The following SYT1 variants were observed in gnomAD, a reference collection of about 807,000 sequenced individuals.
SYT1 encodes the protein synaptotagmin 1, also known as synaptotagmin-1.
Under a neutral mutation model 44.8 loss-of-function variants are expected in SYT1, and 8 were observed. The ratio of observed to expected loss-of-function variants is 0.18; its 90% confidence interval spans 0.10 to 0.32. SYT1 has a LOEUF of 0.32. Among genes scored for constraint, SYT1 ranks in the 10% least tolerant of loss-of-function variants. The pLI is 1.00. For synonymous variants in SYT1, 154 were observed against 188.8 expected, an observed-to-expected ratio of 0.82 and a Z score of 1.51; for missense variants, 286 against 509.3, an observed-to-expected ratio of 0.56 and a Z score of 4.22.
intron 8 of SYT1, among the ~76,000 whole-genome samples, chr12:79,324,144 G>A (rs1424572525): frequency 6.6e-6 from 1 of 151,708 alleles, no homozygotes; most frequent in African/African-American, 2.4e-5. Flanking sequence ...TAGAAACGGG[G>A]TTTCACCATG....
chr12:79,191,635 C>T (rs914871048), intron 3 of SYT1, among the ~76,000 whole-genome samples: 1 of 152,094 alleles, frequency 6.6e-6, no homozygotes, highest in African/African-American at 2.4e-5. Flanking sequence ...TAGGTAGAGA[C>T]ATTTGTTGAT....
intron 9 of SYT1, among the ~76,000 whole-genome samples, chr12:79,427,416 T>C (rs1406581544): frequency 6.6e-6 from 1 of 152,198 alleles, no homozygotes; most frequent in Non-Finnish European, 1.5e-5. Flanking sequence ...CCAAAAACCA[T>C]GTATTCATTA....
At chr12:79,020,927 T>C (rs761171624) in intron 2 of SYT1, among the ~76,000 whole-genome samples, 30 of 151,916 alleles carry the variant, frequency 2.0e-4, no homozygotes, top group Non-Finnish European at 4.1e-4. Flanking sequence ...AATAATACTT[T>C]AATGAGATAG....
intron 4 of SYT1, among the ~76,000 whole-genome samples, chr12:79,263,044 G>T (rs866182125): frequency 2.1e-4 from 32 of 152,152 alleles, no homozygotes; most frequent in Non-Finnish European, 2.4e-4. Context: ...GTCGCTTACT[G>T]CCCCCTCTGC....
intron 2 of SYT1, chr12:78,995,723 C>T (rs907623719): frequency 2.0e-5 from 3 of 152,064 alleles, no homozygotes; most frequent in East Asian, 3.9e-4. Context: ...GTAGATTATG[C>T]TGGGAAAATC....
At chr12:79,181,139 C>G (rs1872515783) in intron 3 of SYT1, among the ~76,000 whole-genome samples, 1 of 152,052 alleles carries the variant, frequency 6.6e-6, no homozygotes, top group Admixed American at 6.6e-5. Flanking sequence ...ATTACCCAGT[C>G]TTGGGTATGT....
At chr12:79,431,918 A>G (rs1417736653) in intron 9 of SYT1, among the ~76,000 whole-genome samples, 2 of 152,178 alleles carry the variant, frequency 1.3e-5, no homozygotes, top group Non-Finnish European at 2.9e-5. Context: ...TAGATTACCA[A>G]GGTAGAAGTT....
intron 9 of SYT1, among the ~76,000 whole-genome samples, chr12:79,399,223 T>G (rs1198409377): frequency 1.3e-5 from 2 of 152,142 alleles, no homozygotes; most frequent in Non-Finnish European, 2.9e-5. Flanking sequence ...AAAAGGGTTT[T>G]TAATATTGTT....
rs1347523158 is a variant in SYT1 at position 78,931,321 on chromosome 12, G to C, written c.-216-46478G>C. On this transcript the variant is annotated intron_variant, in intron 1 of 10. Transcript: ENST00000261205. ...AAGGAAGGAAGGAGAGGGAGGGAGG[G>C]AGGGAGGGAGGGAGGGAAGGAAGGA... 1.1e-4 allele frequency among the ~76,000 whole-genome samples: 3 copies of C among 27,824 alleles called. 1 individual carries two copies. The highest frequency in any genetic ancestry group is 7.2e-4 in the African/African-American group (3 of 4,160). 18.3% of individuals were successfully genotyped at this position (27,824 alleles called of 152,430 possible). A position where few individuals can be genotyped will look rare whatever the true frequency, so the allele number is the denominator to read the frequency against.
chr12:78,981,189 A>G (rs1869235633), intron 2 of SYT1, among the ~76,000 whole-genome samples: 1 of 140,810 alleles, frequency 7.1e-6, no homozygotes, highest in Admixed American at 7.8e-5. Context: ...GTGCAATGGC[A>G]TGATCCTGGC....
At position 79,086,559 on chromosome 12, in the gene SYT1, C is replaced by T. The variant is rs146189681; in HGVS notation, c.-18+39197C>T. 3.4e-3 allele frequency among the ~76,000 whole-genome samples: 512 copies of T among 152,240 alleles called. 2 individuals are homozygous for T. Among genetic ancestry groups the T allele is most frequent in the Non-Finnish European group, 5.9e-3 (400 of 68,018 alleles). On this transcript the variant is annotated intron_variant, in intron 3 of 10. Transcript: ENST00000261205. ...TTAGTGGTTGAATCATTCCTGGCTT[C>T]GCAGGATGTGAAATGTTCATTAAAA... is the stretch of plus-strand genomic sequence containing the variant.
chr12:79,008,054 T>C (rs1269810376), intron 2 of SYT1, among the ~76,000 whole-genome samples: 1 of 151,812 alleles, frequency 6.6e-6, no homozygotes, highest in Non-Finnish European at 1.5e-5. Context: ...CTATAAATAG[T>C]GATTACTGTG....
At chr12:79,192,375 CA>C (rs1302728736) in intron 3 of SYT1, among the ~76,000 whole-genome samples, 2 of 152,122 alleles carry the variant, frequency 1.3e-5, no homozygotes, top group African/African-American at 4.8e-5. Context: ...TTGACCTATG[CA>C]GATGCCAAAG....
chr12:79,228,274 C>T (rs182711164), intron 4 of SYT1, among the ~76,000 whole-genome samples: 65 of 152,198 alleles, frequency 4.3e-4, no homozygotes, highest in Admixed American at 2.0e-3. Context: ...TATTTAAAAA[C>T]GTAATCTGGA....
intron 3 of SYT1, among the ~76,000 whole-genome samples, chr12:79,167,924 TG>T (rs1262192513): frequency 6.6e-6 from 1 of 151,990 alleles, no homozygotes; most frequent in Non-Finnish European, 1.5e-5. Flanking sequence ...CCCTCACATG[TG>T]CAGTCTACAA....
intron 1 of SYT1, among the ~76,000 whole-genome samples, chr12:78,959,928 T>G (rs1315851114): frequency 1.3e-5 from 2 of 152,184 alleles, no homozygotes; most frequent in Admixed American, 1.3e-4. Context: ...ACTGCAGGTA[T>G]CAGTAAACAA....
At chr12:79,298,770 A>G (rs960374471) in intron 7 of SYT1, among the ~76,000 whole-genome samples, 1 of 152,138 alleles carries the variant, frequency 6.6e-6, no homozygotes, top group Non-Finnish European at 1.5e-5. Context: ...CAAAACCCAT[A>G]TTATAATGCA....
intron 1 of SYT1, among the ~76,000 whole-genome samples, chr12:78,908,953 T>G (rs1876149080): frequency 6.6e-6 from 1 of 151,974 alleles, no homozygotes; most frequent in East Asian, 1.9e-4. Context: ...AATATATAAT[T>G]AAGGCATTTC....
chr12:79,320,035 C>T (rs148251369), intron 8 of SYT1, among the ~76,000 whole-genome samples: 296 of 152,244 alleles, frequency 1.9e-3, no homozygotes, highest in African/African-American at 6.5e-3. Context: ...AAATGTTTTA[C>T]GTGCTTAGAG....
Sources: gnomAD v4.1 joint callset for allele counts (sites outside exome capture counted in the v4.1 genomes callset) on GRCh38, gnomAD v4.1.1 for gene constraint, MANE v1.5 for transcripts, NCBI Gene and HGNC (gene_info 2026-07-23, HGNC 2026-07-21) for gene names.